The following FHL2 variants were observed in gnomAD, a reference collection of about 807,000 sequenced individuals.
FHL2 encodes the protein four and a half LIM domains protein 2.
A neutral mutation model predicts 32.7 loss-of-function variants in FHL2; 20 were observed. That is an observed-to-expected ratio of 0.61 (90% CI 0.43 to 0.89). FHL2 has a LOEUF of 0.89. FHL2 is among the 40% of genes least tolerant of loss of function. FHL2 has a pLI of 0.00. For synonymous variants in FHL2, 123 were observed against 128.1 expected (o/e 0.96, Z 0.27); for missense variants, 311 against 358.6 (o/e 0.87, Z 1.07).
chr2:105,378,096 A>G (rs1353103661), intron 3 of FHL2: 1 of 466,866 alleles, frequency 2.1e-6, no homozygotes, highest in Non-Finnish European at 4.5e-6. Context: ...CCCCAGATGG[A>G]GGAAAGAGCA....
At chr2:105,428,998 C>A (rs910022001) in intron 1 of FHL2, among the ~76,000 whole-genome samples, 6 of 152,134 alleles carry the variant, frequency 3.9e-5, no homozygotes, top group Non-Finnish European at 5.9e-5. Flanking sequence ...TTAAACCTTA[C>A]CTTCATAAGA....
intron 1 of FHL2, among the ~76,000 whole-genome samples, chr2:105,418,185 C>T (rs1157501044): frequency 1.3e-5 from 2 of 152,052 alleles, no homozygotes; most frequent in Non-Finnish European, 2.9e-5. Flanking sequence ...TCATATCTGT[C>T]CTTATTTTTG....
chr2:105,397,138 GAA>G (rs1683195871), intron 1 of FHL2, among the ~76,000 whole-genome samples: 1 of 148,258 alleles, frequency 6.7e-6, no homozygotes. Context: ...AGGCCTCATA[GAA>G]ATATTCAAAT....
At chr2:105,366,889 G>A (rs1029459422) in intron 5 of FHL2, among the ~76,000 whole-genome samples, 1 of 152,280 alleles carries the variant, frequency 6.6e-6, no homozygotes, top group African/African-American at 2.4e-5. Context: ...GGGACTACAG[G>A]CGTGTGCCAC....
At position 105,373,612 on chromosome 2, in the gene FHL2, T is replaced by C. The variant is rs1355440403; in HGVS notation, c.278A>G (p.Tyr93Cys). 3 of 1,614,226 alleles carry C rather than the reference T, an allele frequency of 1.9e-6. No homozygotes were observed. The highest frequency in any genetic ancestry group is 1.1e-5 in the South Asian group (1 of 91,090). Residue 93 changes from tyrosine (Y) to cysteine (C), a missense_variant, in exon 4 of 7, where the codon TAT becomes TGT. By Grantham distance (194) the Tyr-to-Cys change is radical (BLOSUM62 -2). Transcript: ENST00000530340. ...GCACTTGGATGAGTACTCGTTGGAA[T>C]AGCAGTCTGTACAGAGCAGCTGGTC... ...KEDQLLCTDC[Y>C]SNEYSSKCQE...
At chr2:105,404,812 C>G (rs914481091) in intron 1 of FHL2, among the ~76,000 whole-genome samples, 1 of 152,196 alleles carries the variant, frequency 6.6e-6, no homozygotes, top group African/African-American at 2.4e-5. Context: ...TTTCCATATC[C>G]CATTTCTTCC....
intron 1 of FHL2, among the ~76,000 whole-genome samples, chr2:105,418,047 A>C (rs1046852898): frequency 6.6e-6 from 1 of 152,242 alleles, no homozygotes; most frequent in Admixed American, 6.5e-5. Flanking sequence ...CCACACATTG[A>C]GAACCACAGA....
upstream of FHL2, among the ~76,000 whole-genome samples, chr2:105,399,982 G>A (rs969422187): frequency 1.3e-5 from 2 of 152,124 alleles, no homozygotes; most frequent in Non-Finnish European, 2.9e-5. Context: ...CTCCGTGATT[G>A]CTTTCTTTTA....
At chr2:105,369,054 T>C (rs750761060) in intron 4 of FHL2, among the ~76,000 whole-genome samples, 4 of 152,164 alleles carry the variant, frequency 2.6e-5, no homozygotes, top group Non-Finnish European at 4.4e-5. Context: ...GTTGTAATAG[T>C]TGAGTAGTTG....
chr2:105,371,440 C>A (rs1249903458), intron 4 of FHL2, among the ~76,000 whole-genome samples: 1 of 152,036 alleles, frequency 6.6e-6, no homozygotes. Context: ...CAAATGCTCC[C>A]ATTTGGAACT....
rs1368841795 is a variant in FHL2, at chr2:105,382,239, CTAA to C, written c.156+4119_156+4121del. Among the ~76,000 whole-genome samples the C allele has an allele frequency of 1.1e-3, 170 of 152,366 alleles. 3 individuals are homozygous for C. Among genetic ancestry groups the C allele is most frequent in the African/African-American group, 3.9e-3 (163 of 41,596 alleles). On this transcript the variant is annotated intron_variant, in intron 3 of 6. Transcript: ENST00000530340. Reference sequence around the variant, plus strand: ...AATTCTGCAATGTAATCATCACCATCTAAAGGGGCCCATGAGAAGAGTAGGGGC... The same window carrying C: ...AATTCTGCAATGTAATCATCACCATCAGGGGCCCATGAGAAGAGTAGGGGC...
intron 3 of FHL2, among the ~76,000 whole-genome samples, chr2:105,375,044 G>T (rs1681366598): frequency 2.0e-5 from 3 of 152,180 alleles, no homozygotes. Context: ...AGGATGTGAA[G>T]ACATGGATCT....
intron 4 of FHL2, among the ~76,000 whole-genome samples, chr2:105,373,087 A>G (rs905951820): frequency 2.0e-5 from 3 of 152,110 alleles, no homozygotes; most frequent in Non-Finnish European, 4.4e-5. Context: ...CTAGAACACC[A>G]ACTCTACAAG....
chr2:105,407,893 C>T (rs1428465807), intron 1 of FHL2, among the ~76,000 whole-genome samples: 4 of 152,148 alleles, frequency 2.6e-5, no homozygotes, highest in Non-Finnish European at 4.4e-5. Context: ...ACGGAAGCCA[C>T]CATCTTAATT....
intron 3 of FHL2, among the ~76,000 whole-genome samples, chr2:105,385,036 G>C (rs1682199604): frequency 6.6e-6 from 1 of 152,248 alleles, no homozygotes; most frequent in Non-Finnish European, 1.5e-5. Flanking sequence ...ACAACTTTTA[G>C]AGTAGCCAGA....
chr2:105,370,105 G>C (rs1680926156), intron 4 of FHL2, among the ~76,000 whole-genome samples: 1 of 152,204 alleles, frequency 6.6e-6, no homozygotes, highest in African/African-American at 2.4e-5. Flanking sequence ...TGGCTGCGGT[G>C]CCTCAGCCTT....
At chr2:105,371,552 CT>C (rs1681067622) in intron 4 of FHL2, among the ~76,000 whole-genome samples, 1 of 129,342 alleles carries the variant, frequency 7.7e-6, no homozygotes, top group Admixed American at 7.5e-5. Context: ...TGAAATCTCT[CT>C]CTCTCTCTCT....
chr2:105,402,578 C>T (rs117820275), upstream of FHL2, among the ~76,000 whole-genome samples: 10 of 152,198 alleles, frequency 6.6e-5, no homozygotes, highest in East Asian at 1.9e-3. Flanking sequence ...ATAAAAGCAA[C>T]AGACTCCTTT....
At chr2:105,368,369 T>C (rs1050597865) in intron 4 of FHL2, among the ~76,000 whole-genome samples, 1 of 152,134 alleles carries the variant, frequency 6.6e-6, no homozygotes, top group Non-Finnish European at 1.5e-5. Flanking sequence ...TCTCACTCTG[T>C]CACCCAGGCT....
Sources: gnomAD v4.1 joint callset for allele counts (sites outside exome capture counted in the v4.1 genomes callset) on GRCh38, gnomAD v4.1.1 for gene constraint, MANE v1.5 for transcripts, NCBI Gene and HGNC (gene_info 2026-07-23, HGNC 2026-07-21) for gene names.